MCHR2: variants seen among roughly 807,000 people sequenced by gnomAD.
MCHR2 encodes the protein melanin-concentrating hormone receptor 2.
Under a neutral mutation model 24.8 loss-of-function variants are expected in MCHR2, and 15 were observed. The observed-to-expected ratio is 0.60, with a 90% CI of 0.40 to 0.93. MCHR2 has a LOEUF of 0.93. MCHR2 is among the 40% of genes least tolerant of loss of function. The probability of loss-of-function intolerance (pLI) is 0.00; values close to 1 mark genes in which losing one functional copy is unlikely to be tolerated. For missense variants in MCHR2, 386 were observed against 408.7 expected (o/e 0.94, Z 0.48); for synonymous variants, 151 against 147.6 (o/e 1.02, Z -0.17).
chr6:99,931,436 C>T (rs1282872944), intron 5 of MCHR2, among the ~76,000 whole-genome samples: 1 of 152,192 alleles, frequency 6.6e-6, no homozygotes, highest in Non-Finnish European at 1.5e-5. Flanking sequence ...TGCCCTGCCC[C>T]CAGAGGTGGA....
intron 4 of MCHR2, among the ~76,000 whole-genome samples, chr6:99,938,735 T>A (rs1774715347): frequency 6.6e-6 from 1 of 152,066 alleles, no homozygotes. Flanking sequence ...TTCTGCCGTT[T>A]CTTTGTTGAT....
intron 1 of MCHR2, among the ~76,000 whole-genome samples, chr6:99,982,357 A>G (rs2114589046): frequency 6.7e-6 from 1 of 148,572 alleles, no homozygotes; most frequent in South Asian, 2.2e-4. Flanking sequence ...GGCCAGGCAC[A>G]GTGGCTCATG....
In MCHR2 at chr6:99,958,776, A is replaced by G. The variant is rs564760379; in HGVS notation, c.-27-2602T>C. Among the ~76,000 whole-genome samples the G allele has an allele frequency of 2.6e-5, 4 of 152,290 alleles. No homozygotes were observed. In the South Asian group the frequency reaches 6.2e-4, roughly 24 times the overall value. The stretch of plus-strand genomic sequence containing the variant: ...CATAGTCTCTCTGGCACAGTGCCAT[A>G]TGATCGGGGGAAACTTCCAGCTTCT... On this transcript the variant is annotated intron_variant, in intron 1 of 5. Coordinates refer to ENST00000281806, the MANE Select transcript of MCHR2 (RefSeq NM_001040179.2).
Position 99,924,332 on chromosome 6 carries a change from T to G in MCHR2, c.708-3077A>C, listed in dbSNP as rs181041811. Among the ~76,000 whole-genome samples the G allele has an allele frequency of 3.3e-3, 498 of 152,212 alleles. 2 individuals are homozygous for G. The highest frequency in any genetic ancestry group is 0.012 in the African/African-American group (480 of 41,560). On this transcript the variant is annotated intron_variant, in intron 5 of 5. Transcript: ENST00000281806. ...TTAGTCTGGCTAAAAGTTTGTCAAT[T>G]TTGTTTAACTTTAAAAAAAATCAGA... is the stretch of plus-strand genomic sequence containing the variant.
intron 1 of MCHR2, among the ~76,000 whole-genome samples, chr6:99,959,423 T>G (rs187673594): frequency 6.6e-6 from 1 of 151,518 alleles, no homozygotes; most frequent in Non-Finnish European, 1.5e-5. Flanking sequence ...CTGGGAGAGG[T>G]AGCTATATTG....
At chr6:99,978,715 G>T (rs1345986993) in intron 1 of MCHR2, among the ~76,000 whole-genome samples, 1 of 152,092 alleles carries the variant, frequency 6.6e-6, no homozygotes, top group East Asian at 1.9e-4. Context: ...ACCATGCCTG[G>T]CCCAAGACAG....
At chr6:99,956,528 T>G (rs537755904) in intron 1 of MCHR2, among the ~76,000 whole-genome samples, 55 of 152,166 alleles carry the variant, frequency 3.6e-4, no homozygotes, top group Non-Finnish European at 6.9e-4. Flanking sequence ...TCTGTTCATA[T>G]TGGCTAGTAT....
At chr6:99,957,226 C>T (rs1423234853) in intron 1 of MCHR2, among the ~76,000 whole-genome samples, 2 of 152,076 alleles carry the variant, frequency 1.3e-5, no homozygotes, top group East Asian at 1.9e-4. Flanking sequence ...ACAGGAGATA[C>T]CCTCTTCTGA....
At chr6:99,959,209 AC>A (rs2114547015) in intron 1 of MCHR2, among the ~76,000 whole-genome samples, 1 of 152,240 alleles carries the variant, frequency 6.6e-6, no homozygotes, top group South Asian at 2.1e-4. Flanking sequence ...ATTTTGGAGA[AC>A]CTGTGGTACA....
intron 5 of MCHR2, among the ~76,000 whole-genome samples, chr6:99,930,143 C>T (rs546958283): frequency 1.3e-5 from 2 of 151,848 alleles, no homozygotes; most frequent in South Asian, 4.2e-4. Flanking sequence ...AAATTCTTTT[C>T]TTTAAGAATG....
intron 2 of MCHR2, among the ~76,000 whole-genome samples, chr6:99,953,358 C>G (rs1775000760): frequency 6.6e-6 from 1 of 152,082 alleles, no homozygotes; most frequent in South Asian, 2.1e-4. Context: ...TAGGACACAC[C>G]ATATGTATCT....
chr6:99,942,430 C>T (rs959448787), intron 4 of MCHR2, among the ~76,000 whole-genome samples: 8 of 152,168 alleles, frequency 5.3e-5, no homozygotes, highest in Non-Finnish European at 1.0e-4. Flanking sequence ...AAATCTGCTT[C>T]TCCTTATCAG....
chr6:99,932,589 CT>C (rs1344988312), intron 5 of MCHR2, among the ~76,000 whole-genome samples: 1 of 152,142 alleles, frequency 6.6e-6, no homozygotes, highest in Non-Finnish European at 1.5e-5. Flanking sequence ...CATGTGACCC[CT>C]GATATACTGT....
chr6:99,921,295 C>T (rs769507965), intron 5 of MCHR2, 40 bp from the exon 6 acceptor site: 3 of 1,573,862 alleles, frequency 1.9e-6, no homozygotes, highest in Non-Finnish European at 1.7e-6. Context: ...TATAAACAAC[C>T]ATAGAAATTA....
intron 1 of MCHR2, among the ~76,000 whole-genome samples, chr6:99,967,310 A>T (rs1360193561): frequency 6.6e-6 from 1 of 152,144 alleles, no homozygotes; most frequent in African/African-American, 2.4e-5. Flanking sequence ...GGACAAGCAA[A>T]AGGAGAAATG....
At chr6:99,929,873 C>T (rs1415884811) in intron 5 of MCHR2, among the ~76,000 whole-genome samples, 3 of 149,530 alleles carry the variant, frequency 2.0e-5, no homozygotes, top group Non-Finnish European at 1.5e-5. Context: ...GAATTTGATC[C>T]TGTCATTATG....
chr6:99,972,934 T>G (rs1206484588), intron 1 of MCHR2, among the ~76,000 whole-genome samples: 3 of 152,226 alleles, frequency 2.0e-5, no homozygotes, highest in Admixed American at 6.5e-5. Context: ...AGACAGTTTG[T>G]TATAATTTCT....
intron 4 of MCHR2, among the ~76,000 whole-genome samples, chr6:99,938,277 T>C (rs1164118563): frequency 6.6e-6 from 1 of 152,002 alleles, no homozygotes; most frequent in Non-Finnish European, 1.5e-5. Context: ...TTCTTTGAGG[T>C]ACATTCGTGG....
chr6:99,967,974 A>G (rs537829139), intron 1 of MCHR2, among the ~76,000 whole-genome samples: 80 of 152,330 alleles, frequency 5.3e-4, no homozygotes, highest in African/African-American at 1.4e-3. Flanking sequence ...TCTTAGTCTC[A>G]GGTTCCCCAT....
Sources: allele counts gnomAD v4.1 joint callset (sites outside exome capture counted in the v4.1 genomes callset), GRCh38; gene constraint gnomAD v4.1.1; transcripts MANE v1.5; gene names NCBI Gene and HGNC (gene_info 2026-07-23, HGNC 2026-07-21).